The following PHLDB2 variants were observed in gnomAD, a reference collection of about 807,000 sequenced individuals.
The protein encoded by PHLDB2 is pleckstrin homology like domain family B member 2, also known as pleckstrin homology-like domain family B member 2.
A neutral mutation model predicts 123.6 loss-of-function variants in PHLDB2; 71 were observed. The observed-to-expected ratio is 0.57, with a 90% CI of 0.47 to 0.70. PHLDB2 has a LOEUF of 0.70. PHLDB2 is among the 30% of genes least tolerant of loss of function. The pLI is 0.00. For missense variants in PHLDB2, 1,446 were observed against 1,519.5 expected (o/e 0.95, Z 0.80); for synonymous variants, 547 against 541.6 (o/e 1.01, Z -0.14).
At chr3:111,877,973 A>C (rs1465326561) in intron 1 of PHLDB2, among the ~76,000 whole-genome samples, 2 of 152,178 alleles carry the variant, frequency 1.3e-5, no homozygotes, top group Non-Finnish European at 2.9e-5. Context: ...TATACATTGA[A>C]GTCAGGTAGC....
chr3:111,856,486 G>C (rs1303648794), upstream of PHLDB2, among the ~76,000 whole-genome samples: 3 of 152,124 alleles, frequency 2.0e-5, no homozygotes, highest in Non-Finnish European at 4.4e-5. Context: ...CCTATATTTG[G>C]AAGAATACCG....
intron 8 of PHLDB2, among the ~76,000 whole-genome samples, chr3:111,944,611 CA>C (rs2070163690): frequency 2.0e-5 from 3 of 151,892 alleles, no homozygotes; most frequent in Admixed American, 2.0e-4. Flanking sequence ...ACATCATCAA[CA>C]ATTATGTGTT....
chr3:111,781,228 AT>A lies in PHLDB2; in HGVS notation c.-49+48527del, dbSNP rs1438438175. ...TCTTTACTTATGTCTGATGAACTCT[AT>A]TGACCATAGTGACTATTTCTTTAAA... On this transcript the variant is annotated intron_variant, in intron 1 of 17. Coordinates refer to the PHLDB2 transcript ENST00000393923. 9.6e-4 allele frequency among the ~76,000 whole-genome samples: 146 copies of A among 152,192 alleles called. 1 individual carries two copies. The highest frequency in any genetic ancestry group is 3.4e-3 in the African/African-American group (142 of 41,540).
In PHLDB2 at chr3:111,920,349, A is replaced by G. The variant is rs758857921; in HGVS notation, c.1931A>G (p.Lys644Arg). 8.1e-6 allele frequency: 13 copies of G among 1,614,006 alleles called. No homozygotes were observed. The Admixed American group carries it at 1.0e-4, about 12-fold the overall frequency. Residue 644 changes from lysine (K) to arginine (R), a missense_variant, in exon 5 of 18, where the codon AAG becomes AGG. By Grantham distance (26) the Lys-to-Arg change is conservative. This residue lies in a region of PHLDB2 where 832 missense variants were observed against 831.9 expected (regional missense o/e 1.00). Transcript: ENST00000431670. ...KSETTELMKE[K>R]EILDHLNRKI... Reference sequence around the variant, plus strand: ...GAAACAACTGAACTTATGAAGGAGAAGGAGATTTTGGATCATCTAAACCGG... The same window carrying G: ...GAAACAACTGAACTTATGAAGGAGAGGGAGATTTTGGATCATCTAAACCGG...
chr3:111,937,439 C>T (rs181097261), intron 6 of PHLDB2, among the ~76,000 whole-genome samples: 6 of 152,214 alleles, frequency 3.9e-5, no homozygotes, highest in Admixed American at 3.9e-4. Flanking sequence ...GCCCAGCTGC[C>T]TCTTCCTTTT....
At chr3:111,874,610 C>T (rs1178901526) in intron 1 of PHLDB2, among the ~76,000 whole-genome samples, 2 of 152,164 alleles carry the variant, frequency 1.3e-5, no homozygotes, top group African/African-American at 4.8e-5. Context: ...GTGACTGCTG[C>T]ACTGACTCAT....
chr3:111,885,612 G>A (rs562413511), intron 2 of PHLDB2, 200 bp downstream of exon 2: 5 of 754,648 alleles, frequency 6.6e-6, no homozygotes, highest in African/African-American at 3.4e-5. Context: ...TATCTTGAAG[G>A]CCTCCAGGAA....
At position 111,913,673 on chromosome 3, in the gene PHLDB2, G is replaced by A. The variant is rs1020059748; in HGVS notation, c.1690G>A (p.Glu564Lys). Residue 564 changes from glutamate (E) to lysine (K), a missense_variant, in exon 3 of 18, where the codon GAG (glutamate) becomes AAG (lysine). Physicochemically the swap from Glu to Lys is moderately conservative, Grantham distance 56. Around this residue, in one of 3 missense-constraint regions of PHLDB2, gnomAD observed 832 missense variants for 831.9 expected, o/e 1.00. Coordinates refer to ENST00000431670, the MANE Select transcript of PHLDB2 (RefSeq NM_001134438.2). ...CTCCACCTTTCCGAAAGCTTCCAGCGAGTCCTCTTATCTAAGTATCCTACC... is the reference window on the plus strand; with the variant it reads ...CTCCACCTTTCCGAAAGCTTCCAGCAAGTCCTCTTATCTAAGTATCCTACC... ...PSSTFPKASSESSYLSILPKT... is the reference protein window; with the variant it reads ...PSSTFPKASSKSSYLSILPKT... The A allele has an allele frequency of 1.2e-6, 2 of 1,613,248 alleles. No homozygotes were observed. Among genetic ancestry groups the A allele is most frequent in the South Asian group, 1.1e-5 (1 of 90,986 alleles).
At chr3:111,744,986 C>A (rs911065639) in intron 1 of PHLDB2, among the ~76,000 whole-genome samples, 1 of 152,142 alleles carries the variant, frequency 6.6e-6, no homozygotes. Context: ...AGCTCCATGG[C>A]TTTTGATCCT....
intron 1 of PHLDB2, among the ~76,000 whole-genome samples, chr3:111,738,054 G>T (rs141079413): frequency 4.6e-5 from 7 of 152,100 alleles, no homozygotes; most frequent in Non-Finnish European, 1.0e-4. Context: ...ATACCCCTAC[G>T]AATTCCAAGG....
chr3:111,782,434 C>A (rs1173527775), intron 1 of PHLDB2, among the ~76,000 whole-genome samples: 2 of 152,106 alleles, frequency 1.3e-5, no homozygotes, highest in Non-Finnish European at 2.9e-5. Context: ...AAAATTACCA[C>A]TCTTTGAGCT....
intron 5 of PHLDB2, among the ~76,000 whole-genome samples, chr3:111,927,174 A>G (rs2068861883): frequency 6.6e-6 from 1 of 152,192 alleles, no homozygotes; most frequent in South Asian, 2.1e-4. Flanking sequence ...CACAGGGTTT[A>G]GGAACAGGAA....
chr3:111,775,179 T>A (rs1285233980), intron 1 of PHLDB2, among the ~76,000 whole-genome samples: 2 of 152,154 alleles, frequency 1.3e-5, no homozygotes, highest in Admixed American at 6.5e-5. Context: ...GTAGATACTA[T>A]CATCATCACC....
At chr3:111,786,832 G>T (rs1380017497) in intron 1 of PHLDB2, among the ~76,000 whole-genome samples, 1 of 152,062 alleles carries the variant, frequency 6.6e-6, no homozygotes, top group Non-Finnish European at 1.5e-5. Context: ...TAATAAATAG[G>T]TATAATAAAT....
intron 2 of PHLDB2, chr3:111,885,843 A>G: frequency 1.9e-6 from 1 of 519,932 alleles, no homozygotes; most frequent in Non-Finnish European, 3.4e-6. Context: ...TAGGTAGTAA[A>G]TTTGTCTTTA....
intron 2 of PHLDB2, among the ~76,000 whole-genome samples, chr3:111,849,957 GT>G (rs1369324052): frequency 1.3e-5 from 2 of 151,912 alleles, no homozygotes; most frequent in African/African-American, 4.8e-5. Flanking sequence ...CGCCTCCCGG[GT>G]TCACGCCATT....
chr3:111,805,175 A>C (rs1476528127), intron 1 of PHLDB2, among the ~76,000 whole-genome samples: 1 of 152,186 alleles, frequency 6.6e-6, no homozygotes, highest in Non-Finnish European at 1.5e-5. Context: ...TCCACAAAAG[A>C]CTTGTACATA....
intron 1 of PHLDB2, among the ~76,000 whole-genome samples, chr3:111,797,247 A>G (rs2061197268): frequency 6.6e-6 from 1 of 152,208 alleles, no homozygotes. Flanking sequence ...TCCCCCACTG[A>G]CCACATATCA....
chr3:111,827,109 C>T (rs1412119405), intron 1 of PHLDB2, among the ~76,000 whole-genome samples: 1 of 152,198 alleles, frequency 6.6e-6, no homozygotes, highest in African/African-American at 2.4e-5. Flanking sequence ...TAATTTCTCA[C>T]CTAGAACAAC....
Sources: allele counts gnomAD v4.1 joint callset (sites outside exome capture counted in the v4.1 genomes callset), GRCh38; gene constraint gnomAD v4.1.1; regional missense constraint gnomAD v4.1.1; transcripts MANE v1.5; gene names NCBI Gene and HGNC (gene_info 2026-07-23, HGNC 2026-07-21).